Variants in SORCS3 observed in about 807,000 individuals in gnomAD.
SORCS3 encodes VPS10 domain-containing receptor SorCS3.
SORCS3 carries 57 observed loss-of-function variants against 146.3 expected under a neutral mutation model. The observed-to-expected ratio is 0.39, with a 90% CI of 0.31 to 0.49. The LOEUF is 0.49. Among genes scored for constraint, SORCS3 ranks in the 20% least tolerant of loss-of-function variants. SORCS3 has a pLI of 0.92. For missense variants in SORCS3, 1,341 were observed against 1,575.5 expected (o/e 0.85, Z 2.52); for synonymous variants, 653 against 618.5 (o/e 1.06, Z -0.83).
chr10:104,677,055 C>T (rs1397787153), intron 1 of SORCS3, among the ~76,000 whole-genome samples: 1 of 152,220 alleles, frequency 6.6e-6, no homozygotes, highest in Non-Finnish European at 1.5e-5. Context: ...TCATTGTCAG[C>T]ACTCTGCAAA....
At chr10:104,923,666 G>C (rs546795050) in intron 3 of SORCS3, among the ~76,000 whole-genome samples, 1 of 152,138 alleles carries the variant, frequency 6.6e-6, no homozygotes, top group East Asian at 1.9e-4. Flanking sequence ...TGTTGCAATA[G>C]GGAGTGGGAG....
In SORCS3 at chr10:104,641,787, T is replaced by G; in HGVS notation, c.460T>G (p.Ser154Ala). The change falls in exon 1 of 27, where the codon TCC becomes GCC. Residue 154 changes from serine to alanine, a missense_variant. Transcript: ENST00000369701. The surrounding 1 kb of genome is among the most constrained non-coding windows in gnomAD (Gnocchi z 6.4). ...DAWATAPADG[S>A]RGSRPLAKGS... ...CTGGGCCACTGCTCCGGCCGATGGT[T>G]CCAGAGGAAGCCGTCCCCTTGCTAA... The G allele has an allele frequency of 6.5e-7, 1 of 1,548,632 alleles. No individual in the cohort carries two copies. The highest frequency in any genetic ancestry group is 8.7e-7 in the Non-Finnish European group (1 of 1,146,982).
rs552639891 is a variant in SORCS3, at chr10:104,661,709, A to G, written c.627+19755A>G. 2.0e-4 allele frequency among the ~76,000 whole-genome samples: 31 copies of G among 152,358 alleles called. 1 individual carries two copies. Among genetic ancestry groups the G allele is most frequent in the African/African-American group, 7.5e-4 (31 of 41,592 alleles). ...GATAGATAGATAGATAGACAGATAG[A>G]TAGATAGATACATATCATCCTGCAA... On this transcript the variant is annotated intron_variant, in intron 1 of 26. Coordinates refer to ENST00000369701, the MANE Select transcript of SORCS3 (RefSeq NM_014978.3).
intron 4 of SORCS3, among the ~76,000 whole-genome samples, chr10:105,031,820 C>A (rs1421863217): frequency 6.6e-6 from 1 of 152,224 alleles, no homozygotes; most frequent in Non-Finnish European, 1.5e-5. Context: ...GTCTTCTCTA[C>A]CAGCTAATCC....
At chr10:105,140,360 C>T (rs977870906) in intron 8 of SORCS3, among the ~76,000 whole-genome samples, 7 of 152,070 alleles carry the variant, frequency 4.6e-5, no homozygotes, top group Admixed American at 2.6e-4. Flanking sequence ...TTTATGCATC[C>T]GTTCAACTAT....
In SORCS3 at chr10:104,641,383, G is replaced by C; in HGVS notation, c.56G>C (p.Arg19Pro). ...GGCAGGCCGGGGGCGCCGCTTGTCC[G>C]GACGGGGCTCCTACTCTTGTCGACG... ...PAGRPGAPLV[R>P]TGLLLLSTWV... is the part of the protein sequence containing the mutation. The change falls in exon 1 of 27, where the codon CGG (arginine) becomes CCG (proline). Residue 19 changes from arginine to proline, a missense_variant. Arg to Pro is a moderately radical substitution (Grantham distance 103). Transcript: ENST00000369701. The surrounding 1 kb of genome is among the most constrained non-coding windows in gnomAD (Gnocchi z 6.4). The C allele has an allele frequency of 1.4e-6, 2 of 1,437,212 alleles. No individual in the cohort carries two copies. Among genetic ancestry groups the C allele is most frequent in the East Asian group, 3.1e-5 (1 of 32,524 alleles). 89.0% of individuals were successfully genotyped at this position (1,437,212 alleles called of 1,614,324 possible).
At chr10:105,010,181 T>C (rs1029123386) in intron 4 of SORCS3, among the ~76,000 whole-genome samples, 24 of 152,186 alleles carry the variant, frequency 1.6e-4, no homozygotes, top group African/African-American at 5.8e-4. Context: ...TAATGATATG[T>C]ACTCCACAAG....
intron 3 of SORCS3, among the ~76,000 whole-genome samples, chr10:104,944,488 C>A (rs999323509): frequency 6.6e-6 from 1 of 152,092 alleles, no homozygotes; most frequent in Non-Finnish European, 1.5e-5. Flanking sequence ...ATCTAGACTA[C>A]ATAAATAATG....
At chr10:105,074,870 A>G (rs758695603) in intron 5 of SORCS3, among the ~76,000 whole-genome samples, 1 of 152,210 alleles carries the variant, frequency 6.6e-6, no homozygotes, top group Non-Finnish European at 1.5e-5. Flanking sequence ...AGACTAGGAA[A>G]TTCTGATTTT....
chr10:105,201,131 T>C lies in SORCS3; in HGVS notation c.2139T>C (p.Cys713=). ...AATTTCTCTCTAAGGGAGAGCCTTG[T>C]GTCATGGGAGAAAGGAAAATATTCA... ...TWHLLNQGEP[C]VMGERKIFKK... The change falls in exon 16 of 27, where the codon TGT becomes TGC. Residue 713 remains cysteine, a synonymous_variant. Transcript: ENST00000369701. The C allele has an allele frequency of 6.2e-7, 1 of 1,612,818 alleles. No individual in the cohort carries two copies. The highest frequency in any genetic ancestry group is 1.7e-5 in the Admixed American group (1 of 59,884).
intron 14 of SORCS3, among the ~76,000 whole-genome samples, chr10:105,179,999 C>G (rs542489249): frequency 6.6e-6 from 1 of 152,322 alleles, no homozygotes; most frequent in African/African-American, 2.4e-5. Flanking sequence ...AAAACAGCCA[C>G]TCTAAGGTTC....
At chr10:104,852,054 G>C (rs1018066922) in intron 2 of SORCS3, among the ~76,000 whole-genome samples, 8 of 152,292 alleles carry the variant, frequency 5.3e-5, no homozygotes, top group African/African-American at 1.9e-4. Flanking sequence ...CTAAAGCTGA[G>C]CTGTCTTCCA....
At chr10:104,814,226 CCT>C (rs1414459732) in intron 1 of SORCS3, among the ~76,000 whole-genome samples, 2 of 152,082 alleles carry the variant, frequency 1.3e-5, no homozygotes, top group Admixed American at 6.5e-5. Context: ...CCTTCTGTTT[CCT>C]CTCTCTCTTC....
intron 7 of SORCS3, among the ~76,000 whole-genome samples, chr10:105,119,756 T>C (rs2133764208): frequency 6.6e-6 from 1 of 152,262 alleles, no homozygotes; most frequent in South Asian, 2.1e-4. Flanking sequence ...GGCCAATTTC[T>C]CCCATTTGGA....
chr10:105,129,184 C>G (rs1179766129), intron 7 of SORCS3, among the ~76,000 whole-genome samples: 1 of 152,014 alleles, frequency 6.6e-6, no homozygotes, highest in Non-Finnish European at 1.5e-5. Context: ...AGTGTCCACC[C>G]ATAAAAAGGA....
At chr10:105,060,151 G>T (rs1428750043) in intron 5 of SORCS3, among the ~76,000 whole-genome samples, 2 of 152,102 alleles carry the variant, frequency 1.3e-5, no homozygotes, top group African/African-American at 4.8e-5. Context: ...ATTTGAGGGG[G>T]GTTTGAAAGA....
At chr10:105,182,381 T>C (rs954195534) in intron 14 of SORCS3, among the ~76,000 whole-genome samples, 2 of 151,974 alleles carry the variant, frequency 1.3e-5, no homozygotes, top group Non-Finnish European at 2.9e-5. Context: ...CACATGTTCA[T>C]AAAGAGGCAA....
chr10:105,203,222 T>A (rs2056584478), intron 16 of SORCS3, among the ~76,000 whole-genome samples: 1 of 152,214 alleles, frequency 6.6e-6, no homozygotes, highest in Non-Finnish European at 1.5e-5. Context: ...AAATGAGATA[T>A]ACTAAGTGTA....
chr10:104,893,068 C>G (rs1589539097), intron 2 of SORCS3, among the ~76,000 whole-genome samples: 1 of 152,112 alleles, frequency 6.6e-6, no homozygotes, highest in Non-Finnish European at 1.5e-5. Context: ...GTCATGGTCC[C>G]TGTTTGTTTC....
Sources: allele counts gnomAD v4.1 joint callset (sites outside exome capture counted in the v4.1 genomes callset), GRCh38; gene constraint gnomAD v4.1.1; non-coding constraint Gnocchi (gnomAD v3.1); transcripts MANE v1.5; gene names NCBI Gene and HGNC (gene_info 2026-07-23, HGNC 2026-07-21).